Variants in ABCC5 observed in about 807,000 individuals in gnomAD.
ABCC5 encodes the protein ATP-binding cassette sub-family C member 5.
Under a neutral mutation model 160.9 loss-of-function variants are expected in ABCC5, and 61 were observed. That is an observed-to-expected ratio of 0.38 (90% CI 0.31 to 0.47). The LOEUF (loss-of-function observed/expected upper bound fraction) is 0.47, where lower values mean the gene tolerates loss of function less well. ABCC5 is among the 20% of genes least tolerant of loss of function. The pLI, the probability that ABCC5 is intolerant of heterozygous loss-of-function variation, is 0.99. For missense variants in ABCC5, 1,308 were observed against 1,813.3 expected, an observed-to-expected ratio of 0.72 and a Z score of 5.06; for synonymous variants, 666 against 700.6, an observed-to-expected ratio of 0.95 and a Z score of 0.78.
chr3:183,929,112 A>T (rs1712913020), intron 26 of ABCC5, among the ~76,000 whole-genome samples: 1 of 151,992 alleles, frequency 6.6e-6, no homozygotes, highest in Non-Finnish European at 1.5e-5. Context: ...ATCCTTCTAG[A>T]TTTTTTCCTG....
intron 22 of ABCC5, among the ~76,000 whole-genome samples, chr3:183,948,035 A>T (rs1715011806): frequency 6.6e-6 from 1 of 152,190 alleles, no homozygotes; most frequent in Admixed American, 6.5e-5. Flanking sequence ...GAAGCAAGCT[A>T]AACCACAGCA....
chr3:183,997,666 A>AC (rs1393066144), intron 2 of ABCC5, among the ~76,000 whole-genome samples: 2 of 152,170 alleles, frequency 1.3e-5, no homozygotes, highest in Non-Finnish European at 2.9e-5. Context: ...CAATGAAAAC[A>AC]CCTTCAAAAT....
chr3:183,922,971 A>G (rs1712153717), intron 29 of ABCC5, among the ~76,000 whole-genome samples: 1 of 152,086 alleles, frequency 6.6e-6, no homozygotes, highest in Non-Finnish European at 1.5e-5. Context: ...GGGATAACAA[A>G]ATCCCATCCT....
intron 28 of ABCC5, among the ~76,000 whole-genome samples, chr3:183,926,375 A>C (rs56215340): frequency 0.62 from 93,391 of 149,784 alleles, 29,710 homozygotes; most frequent in East Asian, 0.84. Flanking sequence ...TATGGTGAAA[A>C]CCTGTCTCTA....
chr3:183,980,264 T>C (rs1370705657), intron 8 of ABCC5, among the ~76,000 whole-genome samples: 1 of 152,222 alleles, frequency 6.6e-6, no homozygotes, highest in Non-Finnish European at 1.5e-5. Context: ...AGCTAGCTTG[T>C]AAGTCACATA....
intron 27 of ABCC5, chr3:183,927,872 C>T: frequency 2.1e-6 from 2 of 942,178 alleles, no homozygotes; most frequent in Non-Finnish European, 2.5e-6. Context: ...TGAGAAGAAT[C>T]CCGATAGAGC....
In ABCC5 at chr3:183,949,201, A is replaced by G. The variant is rs1219519596; in HGVS notation, c.3227+552T>C. Among the ~76,000 whole-genome samples, 1 of 152,158 alleles carries G rather than the reference A, an allele frequency of 6.6e-6. No individual in the cohort carries two copies. The highest frequency in any genetic ancestry group is 1.5e-5 in the Non-Finnish European group (1 of 68,034). On this transcript the variant is annotated intron_variant, in intron 22 of 29. Transcript: ENST00000334444. The surrounding 1 kb of genome is among the most constrained non-coding windows in gnomAD (Gnocchi z 4.2). The stretch of plus-strand genomic sequence containing the variant: ...CCATAGCTTATTCAACCTGTCCTAT[A>G]TTGAAGAACATTTTAGTTCCAATCT...
intron 25 of ABCC5, among the ~76,000 whole-genome samples, chr3:183,940,210 C>A (rs1291878644): frequency 2.0e-5 from 3 of 151,946 alleles, no homozygotes; most frequent in Admixed American, 6.6e-5. Context: ...ATGAGTGACT[C>A]CAGGCCGGTG....
At chr3:183,937,750 T>C in intron 26 of ABCC5, 151 bp downstream of exon 26, 2 of 851,564 alleles carry the variant, frequency 2.3e-6, no homozygotes, top group Non-Finnish European at 3.6e-6. Context: ...CTCTCCCTTC[T>C]GCACCAGCAA....
Position 183,982,943 on chromosome 3 carries a change from A to C in ABCC5, c.656T>G (p.Leu219Trp). The change falls in exon 6 of 30, where the codon TTG becomes TGG. Residue 219 changes from leucine (L) to tryptophan (W), a missense_variant. Around this residue, in one of 3 missense-constraint regions of ABCC5, gnomAD observed 1,142 missense variants for 1,527.1 expected, o/e 0.75. Transcript: ENST00000334444. This position sits in a 1 kb window ranked among gnomAD's most constrained non-coding sequence, Gnocchi z 5.2. ...QATESNLQYSLLLVLGLLLTE... is the reference protein window; with the variant it reads ...QATESNLQYSWLLVLGLLLTE... ...CAGGAGGAGGCCCAGCACTAACAAC[A>C]AGCTGTACTGCAGGTTAGACTCTGT... 6.2e-7 allele frequency: 1 copy of C among 1,614,254 alleles called. No homozygotes were observed. The highest frequency in any genetic ancestry group is 8.5e-7 in the Non-Finnish European group (1 of 1,180,044).
chr3:183,969,291 A>C (rs907584425), intron 11 of ABCC5, among the ~76,000 whole-genome samples: 1 of 152,226 alleles, frequency 6.6e-6, no homozygotes, highest in Non-Finnish European at 1.5e-5. Flanking sequence ...AAAAGAATAC[A>C]TTTTAGCTGC....
chr3:183,962,573 C>G (rs949469948), intron 15 of ABCC5, among the ~76,000 whole-genome samples: 4 of 151,026 alleles, frequency 2.6e-5, no homozygotes, highest in African/African-American at 9.8e-5. Context: ...CTCTTGTTGC[C>G]CAGGCCGGAG....
At position 183,963,851 on chromosome 3, in the gene ABCC5, G is replaced by T. The variant is rs966805177; in HGVS notation, c.2032-263C>A. ...TACATCTGGTCTTGCCAGTCCACCC[G>T]GATGCTCCCCCTCCAATCCATTCTC... On this transcript the variant is annotated intron_variant, in intron 14 of 29. Transcript: ENST00000334444. The surrounding 1 kb of genome is among the most constrained non-coding windows in gnomAD (Gnocchi z 4.6). Among the ~76,000 whole-genome samples the T allele has an allele frequency of 5.9e-5, 9 of 152,092 alleles. No homozygotes were observed. The highest frequency in any genetic ancestry group is 1.9e-4 in the African/African-American group (8 of 41,390).
intron 10 of ABCC5, among the ~76,000 whole-genome samples, chr3:183,976,742 T>C (rs1374072926): frequency 1.3e-5 from 2 of 152,164 alleles, no homozygotes; most frequent in Non-Finnish European, 2.9e-5. Flanking sequence ...ATCACCAAAA[T>C]TGCTTTCTTA....
rs911102504 is a variant in ABCC5 at position 183,949,130 on chromosome 3, A to T, written c.3227+623T>A. Reference sequence around the variant, plus strand: ...GATCATTCCCTATCAGTACCTATAGAGCTCCCTCATTCTTTTTAAGGGCCA... The same window carrying T: ...GATCATTCCCTATCAGTACCTATAGTGCTCCCTCATTCTTTTTAAGGGCCA... On this transcript the variant is annotated intron_variant, in intron 22 of 29. Transcript: ENST00000334444. The surrounding 1 kb of genome is among the most constrained non-coding windows in gnomAD (Gnocchi z 4.2). 1.3e-5 allele frequency among the ~76,000 whole-genome samples: 2 copies of T among 152,168 alleles called. No individual in the cohort carries two copies. The highest frequency in any genetic ancestry group is 2.9e-5 in the Non-Finnish European group (2 of 68,038).
At chr3:183,991,009 A>G (rs1408839028) in intron 2 of ABCC5, among the ~76,000 whole-genome samples, 1 of 152,204 alleles carries the variant, frequency 6.6e-6, no homozygotes, top group East Asian at 1.9e-4. Context: ...GTGAAACAGT[A>G]AAAAACAGAT....
At position 183,982,666 on chromosome 3, in the gene ABCC5, C is replaced by T. The variant is rs369077313; in HGVS notation, c.826-42G>A. The T allele has an allele frequency of 3.0e-4, 479 of 1,609,702 alleles. No individual in the cohort carries two copies. Among genetic ancestry groups the T allele is most frequent in the Middle Eastern group, 8.2e-4 (5 of 6,068 alleles). On this transcript the variant is annotated intron_variant, in intron 6 of 29. Transcript: ENST00000334444. This position sits in a 1 kb window ranked among gnomAD's most constrained non-coding sequence, Gnocchi z 5.2. ...GTAGTGAGGGGACCCTGCAAGGACA[C>T]GGTTCATTTGTCTCAGGAGGAAGAT... is the stretch of plus-strand genomic sequence containing the variant.
chr3:183,927,588 T>C, intron 27 of ABCC5, 145 bp from the exon 28 acceptor site: 1 of 1,430,012 alleles, frequency 7.0e-7, no homozygotes, highest in Non-Finnish European at 9.2e-7. Flanking sequence ...GGTGCAGGTG[T>C]ACTGATCATG....
In ABCC5 at chr3:183,965,467, C is replaced by T; in HGVS notation, c.1868G>A (p.Gly623Glu). The change falls in exon 13 of 30, where the codon GGA becomes GAA. Residue 623 changes from glycine to glutamate, a missense_variant. By Grantham distance (98) the Gly-to-Glu change is moderately conservative. This residue lies in a region of ABCC5 where 1,142 missense variants were observed against 1,527.1 expected (regional missense o/e 0.75). Coordinates refer to ENST00000334444, the MANE Select transcript of ABCC5 (RefSeq NM_005688.4). ...CTGCTGGGCCACATAAGCGAAGGTT[C>T]CACTGATTGCAATGCTGCCCTCTAG... ...TLLEGSIAIS[G>E]TFAYVAQQAW... is the part of the protein sequence containing the mutation. 6.2e-7 allele frequency: 1 copy of T among 1,613,754 alleles called. No homozygotes were observed. Among genetic ancestry groups the T allele is most frequent in the Non-Finnish European group, 8.5e-7 (1 of 1,180,032 alleles).
Sources: gnomAD v4.1 joint callset for allele counts (sites outside exome capture counted in the v4.1 genomes callset) on GRCh38, gnomAD v4.1.1 for gene constraint, gnomAD v4.1.1 regional missense constraint, Gnocchi (gnomAD v3.1) non-coding constraint, MANE v1.5 for transcripts, NCBI Gene and HGNC (gene_info 2026-07-23, HGNC 2026-07-21) for gene names.